NALCN: variants seen among roughly 807,000 people sequenced by gnomAD.
NALCN encodes the protein sodium leak channel NALCN.
NALCN carries 111 observed loss-of-function variants against 225.3 expected under a neutral mutation model. The ratio of observed to expected loss-of-function variants is 0.49; its 90% CI spans 0.42 to 0.58. The LOEUF is 0.58. NALCN is among the 20% of genes least tolerant of loss of function. The pLI is 0.00. For missense variants in NALCN, 1,378 were observed against 2,202.4 expected (o/e 0.63, Z 7.49); for synonymous variants, 764 against 769.0 (o/e 0.99, Z 0.11).
intron 6 of NALCN, among the ~76,000 whole-genome samples, chr13:101,358,957 A>G (rs1444815867): frequency 6.6e-6 from 1 of 152,122 alleles, no homozygotes; most frequent in Non-Finnish European, 1.5e-5. Context: ...AGAAAACCAA[A>G]CAGCGCATGT....
intron 7 of NALCN, among the ~76,000 whole-genome samples, chr13:101,324,685 T>C (rs954853386): frequency 6.6e-6 from 1 of 152,200 alleles, no homozygotes; most frequent in Non-Finnish European, 1.5e-5. Flanking sequence ...GCTGAGACGA[T>C]GGGGTTTTCT....
intron 17 of NALCN, among the ~76,000 whole-genome samples, chr13:101,137,947 G>A (rs2036881770): frequency 6.6e-6 from 1 of 152,114 alleles, no homozygotes; most frequent in African/African-American, 2.4e-5. Context: ...TACTGATGAG[G>A]GTTGGAACCT....
intron 11 of NALCN, among the ~76,000 whole-genome samples, chr13:101,245,405 T>C (rs2140175352): frequency 6.6e-6 from 1 of 152,342 alleles, no homozygotes; most frequent in South Asian, 2.1e-4. Context: ...TCCCAATCTT[T>C]TTTTAAATCA....
chr13:101,066,405 C>T (rs995182250), intron 39 of NALCN, among the ~76,000 whole-genome samples: 1 of 152,140 alleles, frequency 6.6e-6, no homozygotes, highest in Non-Finnish European at 1.5e-5. Flanking sequence ...GCTCTGCCCT[C>T]TTCTGGGGTC....
chr13:101,369,526 A>G (rs2046479213), intron 6 of NALCN, among the ~76,000 whole-genome samples: 1 of 152,176 alleles, frequency 6.6e-6, no homozygotes, highest in Non-Finnish European at 1.5e-5. Context: ...ATGTGCCAAT[A>G]TGAGCTTTCG....
chr13:101,356,406 A>T (rs1456371756), intron 6 of NALCN, among the ~76,000 whole-genome samples: 1 of 152,188 alleles, frequency 6.6e-6, no homozygotes, highest in Non-Finnish European at 1.5e-5. Flanking sequence ...TACCATCAGA[A>T]TACTATAAAC....
At chr13:101,198,362 G>A (rs1417288317) in intron 13 of NALCN, among the ~76,000 whole-genome samples, 1 of 152,130 alleles carries the variant, frequency 6.6e-6, no homozygotes, top group African/African-American at 2.4e-5. Context: ...GCAACTTACA[G>A]AATGGGAGAA....
intron 27 of NALCN, among the ~76,000 whole-genome samples, chr13:101,096,606 G>T (rs2034518336): frequency 6.6e-6 from 1 of 152,150 alleles, no homozygotes. Context: ...GAGACATAGG[G>T]TTTCTTTTCA....
intron 14 of NALCN, among the ~76,000 whole-genome samples, chr13:101,188,232 T>C (rs2039528003): frequency 6.6e-6 from 1 of 152,124 alleles, no homozygotes; most frequent in South Asian, 2.1e-4. Context: ...ATTAGCTTCA[T>C]GTGGAGTAAG....
At chr13:101,383,345 A>G (rs1231459753) in intron 3 of NALCN, among the ~76,000 whole-genome samples, 1 of 152,080 alleles carries the variant, frequency 6.6e-6, no homozygotes, top group East Asian at 1.9e-4. Context: ...ATTGGATCTG[A>G]TGGTGAAGTT....
At position 101,258,486 on chromosome 13, in the gene NALCN, C is replaced by G. The variant is rs368363760; in HGVS notation, c.1223G>C (p.Gly408Ala). ...GTCGTACTGCCTCCTGAAGTTTTCT[C>G]CTTTGTAGTAGTTGCTAGCCGCCAC... ...VIVAASNYYK[G>A]ENFRRQYDEF... Residue 408 changes from glycine to alanine, a missense_variant, in exon 11 of 44, where the codon GGA (glycine) becomes GCA (alanine). This residue lies in a region of NALCN where 144 missense variants were observed against 187.7 expected (regional missense o/e 0.77). Transcript: ENST00000251127. 4 of 1,614,052 alleles carry G rather than the reference C, an allele frequency of 2.5e-6. No individual in the cohort carries two copies. Among genetic ancestry groups the G allele is most frequent in the African/African-American group, 1.3e-5 (1 of 74,924 alleles).
At chr13:101,275,384 C>A (rs2042937206) in intron 10 of NALCN, among the ~76,000 whole-genome samples, 2 of 152,218 alleles carry the variant, frequency 1.3e-5, no homozygotes, top group Non-Finnish European at 1.5e-5. Context: ...GGCCGAATGA[C>A]ACTTGCAATC....
intron 13 of NALCN, among the ~76,000 whole-genome samples, chr13:101,209,051 C>A (rs905304551): frequency 2.0e-5 from 3 of 152,266 alleles, no homozygotes; most frequent in East Asian, 3.9e-4. Flanking sequence ...TGGTTCTCAT[C>A]AATTTCTGGT....
intron 1 of NALCN, among the ~76,000 whole-genome samples, chr13:101,408,657 C>A (rs2047690825): frequency 6.6e-6 from 1 of 152,092 alleles, no homozygotes; most frequent in East Asian, 1.9e-4. Flanking sequence ...TTTCTTTGTT[C>A]TTCCTTCTCT....
At chr13:101,156,249 T>C (rs960335610) in intron 15 of NALCN, among the ~76,000 whole-genome samples, 1 of 152,112 alleles carries the variant, frequency 6.6e-6, no homozygotes, top group Non-Finnish European at 1.5e-5. Context: ...CAAAATGTCC[T>C]ATCCTCATCT....
At chr13:101,336,760 GGTTA>G in intron 7 of NALCN, among the ~76,000 whole-genome samples, 1 of 152,096 alleles carries the variant, frequency 6.6e-6, no homozygotes, top group East Asian at 1.9e-4. Context: ...TAAATTTGTT[GGTTA>G]ATTTGTGATA....
At chr13:101,170,652 A>G (rs190021254) in intron 15 of NALCN, among the ~76,000 whole-genome samples, 6 of 152,328 alleles carry the variant, frequency 3.9e-5, no homozygotes. Context: ...ATAAGAAAGG[A>G]AAGCTTCTTA....
In NALCN at chr13:101,292,074, G is replaced by A; in HGVS notation, c.963C>T (p.Ile321=). 6.2e-7 allele frequency: 1 copy of A among 1,613,988 alleles called. No individual in the cohort carries two copies. The highest frequency in any genetic ancestry group is 2.2e-5 in the East Asian group (1 of 44,876). ...WLVKNVFIAV[I]IETFAEIRVQ... is the part of the protein sequence containing the mutation. Reference sequence around the variant, plus strand: ...CTCTGATTTCTGCAAATGTTTCAATGATAACAGCAATAAACACGTTCTGAA... The same window carrying A: ...CTCTGATTTCTGCAAATGTTTCAATAATAACAGCAATAAACACGTTCTGAA... Residue 321 remains isoleucine, a synonymous_variant, in exon 9 of 44, where the codon ATC becomes ATT. Transcript: ENST00000251127. This position sits in a 1 kb window ranked among gnomAD's most constrained non-coding sequence, Gnocchi z 4.3.
intron 40 of NALCN, among the ~76,000 whole-genome samples, chr13:101,065,045 C>T (rs1428453158): frequency 6.6e-6 from 1 of 152,174 alleles, no homozygotes; most frequent in Non-Finnish European, 1.5e-5. Flanking sequence ...CCTGTAACCG[C>T]AAGCAAGTCA....
Sources: gnomAD v4.1 joint callset for allele counts (sites outside exome capture counted in the v4.1 genomes callset) on GRCh38, gnomAD v4.1.1 for gene constraint, gnomAD v4.1.1 regional missense constraint, Gnocchi (gnomAD v3.1) non-coding constraint, MANE v1.5 for transcripts, NCBI Gene and HGNC (gene_info 2026-07-23, HGNC 2026-07-21) for gene names.